The following TLN2 variants were observed in gnomAD, a reference collection of about 807,000 sequenced individuals.
The protein encoded by TLN2 is talin-2.
In TLN2, 118 loss-of-function variants were observed where a neutral mutation model predicts 294.7. The observed-to-expected ratio is 0.40, with a 90% CI of 0.34 to 0.47. The LOEUF is 0.47. Among genes scored for constraint, TLN2 ranks in the 20% least tolerant of loss-of-function variants. TLN2 has a pLI of 0.84. For missense variants in TLN2, 3,083 were observed against 3,282.2 expected, an observed-to-expected ratio of 0.94 and a Z score of 1.48; for synonymous variants, 1,431 against 1,304.5, an observed-to-expected ratio of 1.10 and a Z score of -2.09.
chr15:62,562,905 ATCAC>A (rs2043079971), intron 1 of TLN2, among the ~76,000 whole-genome samples: 2 of 96,168 alleles, frequency 2.1e-5, no homozygotes, highest in Non-Finnish European at 4.2e-5. Flanking sequence ...GTAGTATTCC[ATCAC>A]ACACACACAC....
chr15:62,554,995 A>AG (rs1431544639), intron 1 of TLN2, among the ~76,000 whole-genome samples: 3 of 11,268 alleles, frequency 2.7e-4, no homozygotes, highest in African/African-American at 2.0e-3. Flanking sequence ...ATTTAGAAAG[A>AG]AAAAAAAAAA....
intron 25 of TLN2, among the ~76,000 whole-genome samples, chr15:62,720,462 C>T (rs2060065728): frequency 6.6e-6 from 1 of 152,174 alleles, no homozygotes; most frequent in Non-Finnish European, 1.5e-5. Context: ...ACTTGTATCT[C>T]ATAAGCAGTT....
chr15:62,715,293 C>T (rs112453978), intron 22 of TLN2, among the ~76,000 whole-genome samples: 1 of 151,588 alleles, frequency 6.6e-6, no homozygotes, highest in African/African-American at 2.4e-5. Flanking sequence ...AGAAAATTGA[C>T]TTTTGATAAA....
rs185064839 is a variant in TLN2, at chr15:62,657,982, A to G, written c.788+84A>G. On this transcript the variant is annotated intron_variant, in intron 9 of 58. Transcript: ENST00000636159. Reference sequence around the variant, plus strand: ...TTTTTATTTTTGAGCTAGGTGTCTAAGATCATACCCTAATTTCAATCATTT... The same window carrying G: ...TTTTTATTTTTGAGCTAGGTGTCTAGGATCATACCCTAATTTCAATCATTT... 2,124 of 1,299,400 alleles carry G rather than the reference A, an allele frequency of 1.6e-3. 6 individuals are homozygous for G. The highest frequency in any genetic ancestry group is 1.9e-3 in the Non-Finnish European group (1,777 of 935,342). The allele number at this position is 1,299,400 out of a possible 1,614,324, so 80.5% of individuals were successfully genotyped here.
At chr15:62,758,769 T>G (rs545486084) in intron 37 of TLN2, 2 of 152,342 alleles carry the variant, frequency 1.3e-5, no homozygotes, top group East Asian at 3.9e-4. Context: ...GTTGCCTTTG[T>G]CTAAGGTCAG....
intron 58 of TLN2, 52 bp downstream of exon 58, chr15:62,839,033 T>C (rs1202896163): frequency 1.9e-6 from 3 of 1,569,968 alleles, no homozygotes; most frequent in Non-Finnish European, 2.6e-6. Context: ...GGTGTTGGGT[T>C]ATAACAGAGA....
At chr15:62,698,658 C>T (rs1335494022) in intron 15 of TLN2, 96 bp from the exon 16 acceptor site, 5 of 984,350 alleles carry the variant, frequency 5.1e-6, no homozygotes, top group African/African-American at 1.6e-5. Context: ...GCTGCTTTGT[C>T]TTGAGTGCAG....
At chr15:62,774,608 G>T (rs1331029559) in intron 42 of TLN2, among the ~76,000 whole-genome samples, 1 of 152,188 alleles carries the variant, frequency 6.6e-6, no homozygotes, top group African/African-American at 2.4e-5. Flanking sequence ...AGAAGAGGTA[G>T]ACGTTGAGCT....
chr15:62,713,226 G>A (rs533447289), intron 22 of TLN2, among the ~76,000 whole-genome samples: 14 of 142,372 alleles, frequency 9.8e-5, no homozygotes, highest in Admixed American at 1.5e-4. Flanking sequence ...AGCCAAGATC[G>A]TGCCACTGCA....
intron 9 of TLN2, among the ~76,000 whole-genome samples, chr15:62,660,170 G>A (rs989987399): frequency 3.9e-5 from 6 of 152,154 alleles, no homozygotes; most frequent in Non-Finnish European, 8.8e-5. Flanking sequence ...GTGAACAAGG[G>A]CATATCTTTT....
intron 42 of TLN2, among the ~76,000 whole-genome samples, chr15:62,774,393 C>T (rs1470805268): frequency 2.0e-5 from 3 of 152,074 alleles, no homozygotes; most frequent in Admixed American, 1.3e-4. Context: ...TTGGGCCCAC[C>T]GATGCCACTT....
intron 1 of TLN2, among the ~76,000 whole-genome samples, chr15:62,491,391 C>T (rs924739423): frequency 7.6e-5 from 9 of 117,650 alleles, no homozygotes; most frequent in Non-Finnish European, 1.4e-4. Context: ...CACACACACA[C>T]ACACATTTAT....
At chr15:62,436,463 A>T (rs902376143) in intron 1 of TLN2, among the ~76,000 whole-genome samples, 1 of 152,154 alleles carries the variant, frequency 6.6e-6, no homozygotes, top group Non-Finnish European at 1.5e-5. Flanking sequence ...CCTGAGTGGG[A>T]GTTTGCCAGC....
intron 1 of TLN2, among the ~76,000 whole-genome samples, chr15:62,464,662 T>C (rs2037011898): frequency 6.6e-6 from 1 of 152,182 alleles, no homozygotes; most frequent in Non-Finnish European, 1.5e-5. Flanking sequence ...CAAATACTTT[T>C]TTTGCAATTA....
intron 1 of TLN2, among the ~76,000 whole-genome samples, chr15:62,518,289 G>C (rs2040283546): frequency 6.6e-6 from 1 of 152,040 alleles, no homozygotes; most frequent in Non-Finnish European, 1.5e-5. Context: ...TGCCTGCTTC[G>C]GCCTCCCAAA....
At chr15:62,456,971 C>A (rs1003360417) in intron 1 of TLN2, among the ~76,000 whole-genome samples, 5 of 152,140 alleles carry the variant, frequency 3.3e-5, no homozygotes, top group African/African-American at 1.2e-4. Context: ...GGGCATCGTG[C>A]CTCACAAGCT....
At chr15:62,656,437 G>GA (rs1010519366) in intron 8 of TLN2, among the ~76,000 whole-genome samples, 18 of 152,272 alleles carry the variant, frequency 1.2e-4, no homozygotes, top group African/African-American at 3.6e-4. Context: ...GAATGCAAGA[G>GA]AATGTTGGTC....
chr15:62,589,382 T>G (rs535553121), intron 1 of TLN2, among the ~76,000 whole-genome samples: 66 of 152,032 alleles, frequency 4.3e-4, no homozygotes, highest in African/African-American at 1.6e-3. Context: ...TTGAGGGAGG[T>G]GGATGTCTGT....
At chr15:62,823,574 T>G (rs572217233) in intron 54 of TLN2, among the ~76,000 whole-genome samples, 1 of 152,310 alleles carries the variant, frequency 6.6e-6, no homozygotes, top group African/African-American at 2.4e-5. Context: ...AGGAAGAGTT[T>G]GGGGAGAGAC....
Sources: gnomAD v4.1 joint callset for allele counts (sites outside exome capture counted in the v4.1 genomes callset) on GRCh38, gnomAD v4.1.1 for gene constraint, MANE v1.5 for transcripts, NCBI Gene and HGNC (gene_info 2026-07-23, HGNC 2026-07-21) for gene names.